Variants in TLN2 observed in about 807,000 individuals in gnomAD.
TLN2 encodes the protein talin-2.
A neutral mutation model predicts 294.7 loss-of-function variants in TLN2; 118 were observed. The observed-to-expected ratio is 0.40, with a 90% CI of 0.34 to 0.47. The LOEUF is 0.47. Ranked by LOEUF, TLN2 falls within the 20% of genes least tolerant of loss-of-function variation. The pLI, the probability that TLN2 is intolerant of heterozygous loss-of-function variation, is 0.84. For synonymous variants in TLN2, 1,431 were observed against 1,304.5 expected, an observed-to-expected ratio of 1.10 and a Z score of -2.09; for missense variants, 3,083 against 3,282.2, an observed-to-expected ratio of 0.94 and a Z score of 1.48.
intron 1 of TLN2, among the ~76,000 whole-genome samples, chr15:62,440,723 C>T (rs971814244): frequency 6.6e-6 from 1 of 152,170 alleles, no homozygotes; most frequent in Non-Finnish European, 1.5e-5. Flanking sequence ...GGATTGATAC[C>T]TCCCTTCTAA....
intron 1 of TLN2, among the ~76,000 whole-genome samples, chr15:62,468,744 C>CAAAAAAAAAAA (rs72096398): frequency 2.6e-5 from 3 of 116,780 alleles, no homozygotes; most frequent in East Asian, 2.4e-4. Context: ...GACTCTGTCT[C>CAAAAAAAAAAA]AAAAAAAAAA....
intron 46 of TLN2, 99 bp downstream of exon 46, chr15:62,792,886 AC>A (rs1361223478): frequency 2.0e-6 from 3 of 1,524,294 alleles, no homozygotes; most frequent in East Asian, 2.4e-5. Context: ...GCCAAAACTA[AC>A]CCAGCTGACT....
intron 9 of TLN2, among the ~76,000 whole-genome samples, chr15:62,658,766 ACCTATCGAAGG>A (rs1425740002): frequency 6.6e-6 from 1 of 152,070 alleles, no homozygotes; most frequent in Non-Finnish European, 1.5e-5. Context: ...CTCTTCCGCC[ACCTATCGAAGG>A]CCATGTGCAC....
chr15:62,573,589 C>T (rs1047134082), intron 1 of TLN2, among the ~76,000 whole-genome samples: 8 of 152,048 alleles, frequency 5.3e-5, no homozygotes, highest in Admixed American at 6.5e-5. Flanking sequence ...CACCCAGCTT[C>T]CCTCCTCTCT....
Position 62,656,044 on chromosome 15 carries a change from A to C in TLN2, c.618A>C (p.Val206=). The C allele has an allele frequency of 1.2e-6, 2 of 1,614,214 alleles. No individual in the cohort carries two copies. The highest frequency in any genetic ancestry group is 1.7e-6 in the Non-Finnish European group (2 of 1,180,040). Residue 206 remains valine, a synonymous_variant, in exon 8 of 59, where the codon GTA becomes GTC. Coordinates refer to ENST00000636159, the MANE Select transcript of TLN2 (RefSeq NM_015059.3). ...RRKFFYSDQN[V]DSRDPVQLNL... ...AGTTCTTTTACTCTGATCAGAATGT[A>C]GATTCGAGAGACCCCGTGCAGCTGA...
chr15:62,448,520 C>T (rs186668098), intron 1 of TLN2, among the ~76,000 whole-genome samples: 1 of 152,248 alleles, frequency 6.6e-6, no homozygotes, highest in African/African-American at 2.4e-5. Flanking sequence ...TTTCTAAAAC[C>T]TGTGTGGAAT....
intron 1 of TLN2, among the ~76,000 whole-genome samples, chr15:62,416,899 G>A (rs1490437138): frequency 6.6e-6 from 1 of 152,178 alleles, no homozygotes; most frequent in Non-Finnish European, 1.5e-5. Flanking sequence ...GGACTGGAGT[G>A]CTGTGATGCC....
chr15:62,797,809 G>T, intron 48 of TLN2, among the ~76,000 whole-genome samples: 1 of 152,206 alleles, frequency 6.6e-6, no homozygotes, highest in East Asian at 1.9e-4. Flanking sequence ...CACACAGGTA[G>T]AACTAGTGAG....
chr15:62,416,747 T>C (rs2140264153), intron 1 of TLN2, among the ~76,000 whole-genome samples: 1 of 152,316 alleles, frequency 6.6e-6, no homozygotes, highest in African/African-American at 2.4e-5. Context: ...GGAGGGTGGC[T>C]TGAATGTCTT....
chr15:62,691,045 AGGGGG>A lies in TLN2; in HGVS notation c.1114-1794_1114-1790del, dbSNP rs2057855781. ...GAGACCGTGGGAGAGGGAGAGGGAG[AGGGGG>A]AGGGGGAGGGGAGGGGGAGGGGTAT... On this transcript the variant is annotated intron_variant, in intron 12 of 58. Transcript: ENST00000636159. Among the ~76,000 whole-genome samples, 6 of 2,974 alleles carry A rather than the reference AGGGGG, an allele frequency of 2.0e-3. No homozygotes were observed. The Admixed American group carries it at 0.025, about 12-fold the overall frequency. The allele number at this position is 2,974 out of a possible 152,430, so 2.0% of individuals were successfully genotyped here.
chr15:62,707,671 C>T (rs1182181492), intron 20 of TLN2, among the ~76,000 whole-genome samples: 1 of 152,178 alleles, frequency 6.6e-6, no homozygotes, highest in Non-Finnish European at 1.5e-5. Context: ...CCAGGGTATA[C>T]ACACTCAGTG....
At chr15:62,784,341 T>C (rs963710545) in intron 45 of TLN2, 2 of 207,472 alleles carry the variant, frequency 9.6e-6, no homozygotes, top group South Asian at 1.8e-4. Context: ...AGAGCTACTT[T>C]CATGAAACAA....
At chr15:62,805,558 T>C in intron 50 of TLN2, 42 bp from the exon 51 acceptor site, 1 of 1,537,138 alleles carries the variant, frequency 6.5e-7, no homozygotes, top group South Asian at 1.3e-5. Context: ...TTTTTTTCGT[T>C]TCCTTTTTGA....
intron 1 of TLN2, among the ~76,000 whole-genome samples, chr15:62,581,817 G>A (rs1262581290): frequency 1.3e-5 from 2 of 152,090 alleles, no homozygotes; most frequent in Admixed American, 6.6e-5. Context: ...GCCGAGGCAG[G>A]CAGATCACCT....
At chr15:62,634,102 T>TGAGGTCC (rs1347739984) in intron 3 of TLN2, among the ~76,000 whole-genome samples, 2 of 152,238 alleles carry the variant, frequency 1.3e-5, no homozygotes, top group African/African-American at 4.8e-5. Flanking sequence ...GGTCGCAGTC[T>TGAGGTCC]GAGGTCCTGG....
In TLN2 at chr15:62,693,540, C is replaced by G. The variant is rs113648335; in HGVS notation, c.1215+599C>G. Among the ~76,000 whole-genome samples the G allele has an allele frequency of 4.2e-3, 639 of 152,114 alleles. 5 individuals carry two copies. The highest frequency in any genetic ancestry group is 5.7e-3 in the Non-Finnish European group (388 of 67,998). On this transcript the variant is annotated intron_variant, in intron 13 of 58. Transcript: ENST00000636159. Reference sequence around the variant, plus strand: ...GCATCTTCCTCTCCACGTAGCTGTACTGTGCTTTTCAGCCTCTGTGGGAAC... The same window carrying G: ...GCATCTTCCTCTCCACGTAGCTGTAGTGTGCTTTTCAGCCTCTGTGGGAAC...
At chr15:62,677,610 G>A (rs189584368) in intron 11 of TLN2, among the ~76,000 whole-genome samples, 1 of 152,056 alleles carries the variant, frequency 6.6e-6, no homozygotes, top group East Asian at 1.9e-4. Flanking sequence ...TTGCAGGTTT[G>A]ATCAAACCAA....
intron 1 of TLN2, among the ~76,000 whole-genome samples, chr15:62,585,466 G>A (rs1161523421): frequency 2.0e-5 from 3 of 152,232 alleles, no homozygotes; most frequent in African/African-American, 4.8e-5. Flanking sequence ...CATGTACTCC[G>A]AGAGGTGTAC....
chr15:62,661,976 C>A (rs1019903291), intron 9 of TLN2, among the ~76,000 whole-genome samples: 3 of 152,048 alleles, frequency 2.0e-5, no homozygotes, highest in African/African-American at 7.2e-5. Flanking sequence ...GAAAAATAGA[C>A]TGTATTGCAA....
Sources: allele counts gnomAD v4.1 joint callset (sites outside exome capture counted in the v4.1 genomes callset), GRCh38; gene constraint gnomAD v4.1.1; transcripts MANE v1.5; gene names NCBI Gene and HGNC (gene_info 2026-07-23, HGNC 2026-07-21).